The following SERINC5 variants were observed in gnomAD, a reference collection of about 807,000 sequenced individuals.
SERINC5 encodes the protein serine incorporator 5, also known as chromosome 5 open reading frame 12.
SERINC5 carries 41 observed loss-of-function variants against 63.1 expected under a neutral mutation model. The ratio of observed to expected loss-of-function variants is 0.65; its 90% CI spans 0.51 to 0.84. The LOEUF (loss-of-function observed/expected upper bound fraction) is 0.84, where lower values mean the gene tolerates loss of function less well. Ranked by LOEUF, SERINC5 falls within the 40% of genes least tolerant of loss-of-function variation. The pLI, the probability that SERINC5 is intolerant of heterozygous loss-of-function variation, is 0.00. For missense variants in SERINC5, 523 were observed against 573.0 expected (o/e 0.91, Z 0.89); for synonymous variants, 222 against 215.2 (o/e 1.03, Z -0.28).
chr5:80,114,070 C>T (rs771931287), intron 11 of SERINC5, among the ~76,000 whole-genome samples: 2 of 152,034 alleles, frequency 1.3e-5, no homozygotes, highest in African/African-American at 2.4e-5. Context: ...TCTTCAGCAC[C>T]GTCTCCATGC....
At chr5:80,254,277 G>C (rs1305133520) in intron 1 of SERINC5, among the ~76,000 whole-genome samples, 1 of 152,180 alleles carries the variant, frequency 6.6e-6, no homozygotes, top group Non-Finnish European at 1.5e-5. Context: ...ATCACAGTGT[G>C]ATCACCATCA....
chr5:80,179,894 A>G lies in SERINC5; in HGVS notation c.196-1830T>C, dbSNP rs146452135. ...TGTACCAATTTACATCCTACCAGTA[A>G]TATCTGAGATTGCACATTTCCCAAC... On this transcript the variant is annotated intron_variant, in intron 2 of 11. Coordinates refer to ENST00000507668, the MANE Select transcript of SERINC5 (RefSeq NM_001174072.3). Among the ~76,000 whole-genome samples, 15 of 152,360 alleles carry G rather than the reference A, an allele frequency of 9.8e-5. 1 individual carries two copies. Among genetic ancestry groups the G allele is most frequent in the Non-Finnish European group, 1.2e-4 (8 of 68,034 alleles).
Position 80,139,265 on chromosome 5 carries a change from A to G in SERINC5, c.*4398T>C. ...AAAAGGCTTAAATCTTTAATAAAGG[A>G]AAACAAAACAATCCTCTTAAATTTC... On this transcript the variant is annotated 3_prime_UTR_variant, in exon 12 of 12. Coordinates refer to ENST00000507668, the MANE Select transcript of SERINC5 (RefSeq NM_001174072.3). 1.0e-6 allele frequency: 1 copy of G among 972,138 alleles called. No individual in the cohort carries two copies. Among genetic ancestry groups the G allele is most frequent in the Non-Finnish European group, 1.2e-6 (1 of 817,938 alleles). The allele number at this position is 972,138 out of a possible 1,614,324, so 60.2% of individuals were successfully genotyped here.
At chr5:80,137,050 T>C (rs958190800), downstream of SERINC5, among the ~76,000 whole-genome samples, 1 of 144,284 alleles carries the variant, frequency 6.9e-6, no homozygotes, top group African/African-American at 2.6e-5. Context: ...GGTGGGAGAA[T>C]CACCTGAACC....
At chr5:80,248,647 C>T (rs1024444667) in intron 1 of SERINC5, among the ~76,000 whole-genome samples, 3 of 152,162 alleles carry the variant, frequency 2.0e-5, no homozygotes, top group Admixed American at 6.5e-5. Context: ...TTATAGGGCA[C>T]TTTACTGCAT....
intron 2 of SERINC5, among the ~76,000 whole-genome samples, chr5:80,185,739 C>T (rs1197730832): frequency 6.6e-6 from 1 of 151,954 alleles, no homozygotes; most frequent in Non-Finnish European, 1.5e-5. Flanking sequence ...TTTTTGACCC[C>T]GGATGAGTCA....
At chr5:80,200,700 T>C (rs1430505261) in intron 2 of SERINC5, among the ~76,000 whole-genome samples, 3 of 152,126 alleles carry the variant, frequency 2.0e-5, no homozygotes, top group African/African-American at 4.8e-5. Context: ...AAAAGCACTA[T>C]GCAACAGAAA....
At chr5:80,242,572 A>G (rs1751992402) in intron 1 of SERINC5, among the ~76,000 whole-genome samples, 1 of 152,194 alleles carries the variant, frequency 6.6e-6, no homozygotes, top group Non-Finnish European at 1.5e-5. Context: ...CAATATGGTG[A>G]AAGCTTGTCT....
intron 1 of SERINC5, among the ~76,000 whole-genome samples, chr5:80,239,023 T>A (rs1751835240): frequency 6.6e-6 from 1 of 152,162 alleles, no homozygotes; most frequent in African/African-American, 2.4e-5. Flanking sequence ...GTACCTGCTG[T>A]GAGCTGACTA....
intron 1 of SERINC5, among the ~76,000 whole-genome samples, chr5:80,216,016 C>G (rs1750644316): frequency 6.6e-6 from 1 of 152,170 alleles, no homozygotes; most frequent in African/African-American, 2.4e-5. Flanking sequence ...CTCTCTCTAC[C>G]TTAAAATTAA....
At chr5:80,181,109 CA>C (rs953227517) in intron 2 of SERINC5, among the ~76,000 whole-genome samples, 2 of 152,132 alleles carry the variant, frequency 1.3e-5, no homozygotes, top group African/African-American at 2.4e-5. Context: ...ATCTACTGGG[CA>C]GGGGGGCAAG....
rs1381928685 is a variant in SERINC5 at position 80,175,877 on chromosome 5, A to G, written c.458-830T>C. ...AGACTTGGTCTCAAAAAAAAAAAAA[A>G]AAAAAAAAGGACTGAGCTTGGCCGG... On this transcript the variant is annotated intron_variant, in intron 4 of 11. Transcript: ENST00000507668. Among the ~76,000 whole-genome samples, 9 of 145,258 alleles carry G rather than the reference A, an allele frequency of 6.2e-5. 1 individual carries two copies. In the East Asian group the frequency reaches 1.8e-3, roughly 29 times the overall value.
intron 2 of SERINC5, among the ~76,000 whole-genome samples, chr5:80,180,086 G>A (rs952032910): frequency 6.6e-6 from 1 of 152,012 alleles, no homozygotes; most frequent in Non-Finnish European, 1.5e-5. Flanking sequence ...CTCTTTATTA[G>A]TGGGTCTTAA....
intron 6 of SERINC5, among the ~76,000 whole-genome samples, chr5:80,167,521 T>C (rs116143852): frequency 0.016 from 2,439 of 152,324 alleles, 65 homozygotes; most frequent in African/African-American, 0.055. Flanking sequence ...TTCCATATCT[T>C]TGCTATTGTG....
At chr5:80,182,220 A>C (rs187898570) in intron 2 of SERINC5, among the ~76,000 whole-genome samples, 2 of 152,298 alleles carry the variant, frequency 1.3e-5, no homozygotes, top group Admixed American at 1.3e-4. Context: ...GGAAAGACAC[A>C]AATGTTCGTG....
At chr5:80,232,555 G>A (rs956627091) in intron 1 of SERINC5, among the ~76,000 whole-genome samples, 1 of 152,146 alleles carries the variant, frequency 6.6e-6, no homozygotes, top group African/African-American at 2.4e-5. Flanking sequence ...GGAGGCCAAG[G>A]CGGGTGGATC....
chr5:80,203,050 C>T lies in SERINC5; in HGVS notation c.31G>A (p.Ala11Thr). The part of the protein sequence containing the change: MSAQCCAGQL[A>T]CCCGSAGCSL... ...CAGCCTGCAGACCCACAGCAGCAGGCCAGCTAGAAAAGGAACAGAAGGCAT... is the reference window on the plus strand; with the variant it reads ...CAGCCTGCAGACCCACAGCAGCAGGTCAGCTAGAAAAGGAACAGAAGGCAT... The change falls in exon 2 of 12, where the codon GCC becomes ACC. Residue 11 changes from alanine to threonine, a missense_variant. Transcript: ENST00000507668. 6.2e-7 allele frequency: 1 copy of T among 1,603,246 alleles called. No homozygotes were observed. The highest frequency in any genetic ancestry group is 1.3e-5 in the African/African-American group (1 of 74,648).
intron 1 of SERINC5, among the ~76,000 whole-genome samples, chr5:80,206,175 C>A (rs1278212591): frequency 3.9e-5 from 6 of 152,108 alleles, no homozygotes; most frequent in Non-Finnish European, 8.8e-5. Flanking sequence ...ACACTATACT[C>A]TATATAAACC....
chr5:80,226,759 T>C (rs1751184689), intron 1 of SERINC5, among the ~76,000 whole-genome samples: 1 of 152,238 alleles, frequency 6.6e-6, no homozygotes, highest in Non-Finnish European at 1.5e-5. Context: ...AATTGCATTG[T>C]GCATTTTCTA....
Sources: allele counts gnomAD v4.1 joint callset (sites outside exome capture counted in the v4.1 genomes callset), GRCh38; gene constraint gnomAD v4.1.1; transcripts MANE v1.5; gene names NCBI Gene and HGNC (gene_info 2026-07-23, HGNC 2026-07-21).